Variants in ZFR2 observed in about 807,000 individuals in gnomAD.
ZFR2 encodes zinc finger RNA binding protein 2.
In ZFR2, 104 loss-of-function variants were observed where a neutral mutation model predicts 105.7. The observed-to-expected ratio is 0.98, with a 90% confidence interval of 0.84 to 1.16. ZFR2 has a LOEUF of 1.16. Among genes scored for constraint, ZFR2 ranks in the 50% most tolerant of loss-of-function variants. The pLI, the probability that ZFR2 is intolerant of heterozygous loss-of-function variation, is 0.00. For missense variants in ZFR2, 1,425 were observed against 1,355.5 expected (o/e 1.05, Z -0.80); for synonymous variants, 634 against 597.7 (o/e 1.06, Z -0.89).
At position 3,858,146 on chromosome 19, in the gene ZFR2, G is replaced by A. The variant is rs1407863209; in HGVS notation, c.53+10819C>T. ...TTGTTCACACGGCCACCAAACTCAA[G>A]GGGACGTCAAGGCCTAGGGGATGGA... On this transcript the variant is annotated intron_variant, in intron 1 of 18. Coordinates refer to ENST00000262961, the MANE Select transcript of ZFR2 (RefSeq NM_015174.2). This position sits in a 1 kb window ranked among gnomAD's most constrained non-coding sequence, Gnocchi z 4.3. Among the ~76,000 whole-genome samples, 1 of 152,132 alleles carries A rather than the reference G, an allele frequency of 6.6e-6. No homozygotes were observed. Among genetic ancestry groups the A allele is most frequent in the Non-Finnish European group, 1.5e-5 (1 of 68,022 alleles).
In ZFR2 at chr19:3,813,211, A is replaced by G. The variant is rs1056035834; in HGVS notation, c.2242+609T>C. 9.9e-5 allele frequency among the ~76,000 whole-genome samples: 15 copies of G among 152,186 alleles called. No homozygotes were observed. The highest frequency in any genetic ancestry group is 5.2e-4 in the Admixed American group (8 of 15,284). On this transcript the variant is annotated intron_variant, in intron 14 of 18. Transcript: ENST00000262961. The surrounding 1 kb of genome is among the most constrained non-coding windows in gnomAD (Gnocchi z 4.4). ...AGGAGTTTGGAAAACTGCCCTAGAG[A>G]CTGTTCTGGAAGATTCCACAGCTGG...
At chr19:3,824,659 G>A (rs56752898) in intron 7 of ZFR2, among the ~76,000 whole-genome samples, 2,888 of 152,334 alleles carry the variant, frequency 0.019, 93 homozygotes, top group African/African-American at 0.066. Context: ...AGAAGAGGCC[G>A]GGCGCAGTGG....
intron 1 of ZFR2, among the ~76,000 whole-genome samples, chr19:3,861,092 C>T (rs1425426239): frequency 6.6e-6 from 1 of 152,214 alleles, no homozygotes; most frequent in Admixed American, 6.5e-5. Context: ...CCTCCTGCGG[C>T]AGGACTGGCC....
At chr19:3,819,357 A>C in intron 11 of ZFR2, 122 bp from the exon 12 acceptor site, 3 of 1,065,724 alleles carry the variant, frequency 2.8e-6, no homozygotes, top group Non-Finnish European at 2.6e-6. Context: ...CAGCGTGGCC[A>C]GGTGAGAATC....
intron 1 of ZFR2, among the ~76,000 whole-genome samples, chr19:3,863,236 T>C (rs1187233371): frequency 6.6e-6 from 1 of 152,078 alleles, no homozygotes; most frequent in Non-Finnish European, 1.5e-5. Flanking sequence ...CCATCAGGGG[T>C]ATTAACAGGT....
intron 16 of ZFR2, among the ~76,000 whole-genome samples, 159 bp from the exon 17 acceptor site, chr19:3,809,142 G>A (rs2037735353): frequency 6.6e-6 from 1 of 152,094 alleles, no homozygotes; most frequent in Admixed American, 6.5e-5. Context: ...CCCGTGGCAG[G>A]GCTCTGCCAC....
chr19:3,814,796 C>G (rs1230539980), intron 13 of ZFR2, among the ~76,000 whole-genome samples: 2 of 152,162 alleles, frequency 1.3e-5, no homozygotes, highest in Non-Finnish European at 2.9e-5. Context: ...TCCAGCCTCC[C>G]CACTTCCCTA....
chr19:3,805,866 G>C lies in ZFR2; in HGVS notation c.*83C>G, dbSNP rs780094910. 2 of 1,378,014 alleles carry C rather than the reference G, an allele frequency of 1.5e-6. No individual in the cohort carries two copies. Among genetic ancestry groups the C allele is most frequent in the Admixed American group, 5.9e-5 (2 of 33,870 alleles). The allele number at this position is 1,378,014 out of a possible 1,614,324, so 85.4% of individuals were successfully genotyped here. A position where few individuals can be genotyped will look rare whatever the true frequency, so the allele number is the denominator to read the frequency against. Reference sequence around the variant, plus strand: ...AAGGAAATGACCATTGTCCAACGTCGGGGATGAAGCAGCCATTGGTCGGCG... The same window carrying C: ...AAGGAAATGACCATTGTCCAACGTCCGGGATGAAGCAGCCATTGGTCGGCG... On this transcript the variant is annotated 3_prime_UTR_variant, in exon 19 of 19. Coordinates refer to ENST00000262961, the MANE Select transcript of ZFR2 (RefSeq NM_015174.2).
Position 3,813,999 on chromosome 19 carries a change from C to T in ZFR2, c.2104-41G>A, listed in dbSNP as rs1379950203. 2 of 1,609,894 alleles carry T rather than the reference C, an allele frequency of 1.2e-6. No individual in the cohort carries two copies. The highest frequency in any genetic ancestry group is 2.2e-5 in the East Asian group (1 of 44,798). On this transcript the variant is annotated intron_variant, in intron 13 of 18. Transcript: ENST00000262961. The surrounding 1 kb of genome is among the most constrained non-coding windows in gnomAD (Gnocchi z 4.4). Reference sequence around the variant, plus strand: ...ACAACACAAGGCCACCTTACTGCAGCCCAGATTCATGTGTAAATCAGCCAG... The same window carrying T: ...ACAACACAAGGCCACCTTACTGCAGTCCAGATTCATGTGTAAATCAGCCAG...
intron 1 of ZFR2, among the ~76,000 whole-genome samples, chr19:3,862,382 C>G (rs901020570): frequency 1.3e-5 from 2 of 152,178 alleles, no homozygotes; most frequent in African/African-American, 4.8e-5. Context: ...ACTGCAACCT[C>G]CACCTCCCGG....
At chr19:3,856,367 C>G (rs185238394) in intron 1 of ZFR2, among the ~76,000 whole-genome samples, 3 of 152,262 alleles carry the variant, frequency 2.0e-5, no homozygotes, top group Admixed American at 1.3e-4. Context: ...GCGCTGGAGT[C>G]AGAAACTGGG....
At position 3,813,404 on chromosome 19, in the gene ZFR2, G is replaced by A. The variant is rs146306384; in HGVS notation, c.2242+416C>T. On this transcript the variant is annotated intron_variant, in intron 14 of 18. Transcript: ENST00000262961. This position sits in a 1 kb window ranked among gnomAD's most constrained non-coding sequence, Gnocchi z 4.4. ...CCGATTCCCTACATTCCTAATCAGTGGCACTGGGACTGTGGTGACTGATGG... is the reference window on the plus strand; with the variant it reads ...CCGATTCCCTACATTCCTAATCAGTAGCACTGGGACTGTGGTGACTGATGG... Among the ~76,000 whole-genome samples, 58 of 152,232 alleles carry A rather than the reference G, an allele frequency of 3.8e-4. No individual in the cohort carries two copies. Among genetic ancestry groups the A allele is most frequent in the African/African-American group, 1.4e-3 (57 of 41,540 alleles).
chr19:3,827,135 A>G (rs1042955807), intron 6 of ZFR2, among the ~76,000 whole-genome samples: 2 of 152,098 alleles, frequency 1.3e-5, no homozygotes, highest in Non-Finnish European at 2.9e-5. Flanking sequence ...CCAGCTACTC[A>G]GGAGGCTGAG....
rs764522245 is a variant in ZFR2, at chr19:3,823,298, G to A, written c.1319C>T (p.Ala440Val). 1 of 1,614,030 alleles carries A rather than the reference G, an allele frequency of 6.2e-7. No individual in the cohort carries two copies. The highest frequency in any genetic ancestry group is 8.5e-7 in the Non-Finnish European group (1 of 1,179,894). The change falls in exon 8 of 19, where the codon GCT (alanine) becomes GTT (valine). Residue 440 changes from alanine to valine, a missense_variant. Physicochemically the swap from Ala to Val is moderately conservative, Grantham distance 64. Transcript: ENST00000262961. This position sits in a 1 kb window ranked among gnomAD's most constrained non-coding sequence, Gnocchi z 5.4. ...CTGCGCATCAGAGCAGCCCGCGGGA[G>A]CTTCCTTTGAGCCTCCTTGGGTAGG... ...GAPTQGGSKE[A>V]PAGCSDAQPV...
intron 1 of ZFR2, among the ~76,000 whole-genome samples, chr19:3,846,924 C>T (rs1314286755): frequency 6.6e-6 from 1 of 152,204 alleles, no homozygotes; most frequent in Admixed American, 6.5e-5. Flanking sequence ...GTCTGTGGAT[C>T]AGGAATTTGG....
intron 1 of ZFR2, among the ~76,000 whole-genome samples, chr19:3,848,058 T>TC (rs1054502753): frequency 3.7e-4 from 57 of 152,288 alleles, no homozygotes; most frequent in African/African-American, 1.3e-3. Context: ...GGCAGGGAAA[T>TC]CCAAGTACGG....
At chr19:3,832,433 T>C (rs913319482) in intron 3 of ZFR2, among the ~76,000 whole-genome samples, 5 of 151,888 alleles carry the variant, frequency 3.3e-5, no homozygotes, top group African/African-American at 1.2e-4. Flanking sequence ...GTGATTCTCC[T>C]GCCTCAGCCT....
rs117417099 is a variant in ZFR2, at chr19:3,818,534, A to G, written c.1931+511T>C. On this transcript the variant is annotated intron_variant, in intron 12 of 18. Coordinates refer to ENST00000262961, the MANE Select transcript of ZFR2 (RefSeq NM_015174.2). Reference sequence around the variant, plus strand: ...CTGCCAGAGCAGGAAAGGACTTTGAAAAAAGGTAACTCCCGCTCAGATGAG... The same window carrying G: ...CTGCCAGAGCAGGAAAGGACTTTGAGAAAAGGTAACTCCCGCTCAGATGAG... Among the ~76,000 whole-genome samples the G allele has an allele frequency of 7.8e-3, 1,194 of 152,306 alleles. 13 individuals carry two copies. The highest frequency in any genetic ancestry group is 9.2e-3 in the Non-Finnish European group (629 of 68,018).
chr19:3,867,394 G>C (rs983713386), intron 1 of ZFR2, among the ~76,000 whole-genome samples: 2 of 152,054 alleles, frequency 1.3e-5, no homozygotes, highest in Non-Finnish European at 2.9e-5. Context: ...GCTGAAGATA[G>C]CAGAGATGCT....
Sources: allele counts gnomAD v4.1 joint callset (sites outside exome capture counted in the v4.1 genomes callset), GRCh38; gene constraint gnomAD v4.1.1; non-coding constraint Gnocchi (gnomAD v3.1); transcripts MANE v1.5; gene names NCBI Gene and HGNC (gene_info 2026-07-23, HGNC 2026-07-21).